SUN3: variants seen among roughly 807,000 people sequenced by gnomAD.
The protein encoded by SUN3 is SUN domain-containing protein 3.
SUN3 carries 36 observed loss-of-function variants against 48.2 expected under a neutral mutation model. The ratio of observed to expected loss-of-function variants is 0.75; its 90% confidence interval spans 0.57 to 0.99. The LOEUF (loss-of-function observed/expected upper bound fraction) is 0.99, where lower values mean the gene tolerates loss of function less well. Ranked by LOEUF, SUN3 falls within the 50% of genes least tolerant of loss-of-function variation. SUN3 has a pLI of 0.00. For missense variants in SUN3, 419 were observed against 433.1 expected, an observed-to-expected ratio of 0.97 and a Z score of 0.29; for synonymous variants, 148 against 147.9, an observed-to-expected ratio of 1.00 and a Z score of 0.00.
chr7:47,995,952 T>G, intron 7 of SUN3, 79 bp downstream of exon 7: 1 of 917,732 alleles, frequency 1.1e-6, no homozygotes, highest in Non-Finnish European at 1.6e-6. Flanking sequence ...TGCCTCCATT[T>G]TTAAAATTAA....
intron 6 of SUN3, among the ~76,000 whole-genome samples, chr7:47,996,836 T>G (rs1331090334): frequency 6.9e-6 from 1 of 145,748 alleles, no homozygotes; most frequent in Non-Finnish European, 1.5e-5. Flanking sequence ...GGTGTCTCAC[T>G]CTGTCGCCAG....
Position 47,987,362 on chromosome 7 carries a change from T to A in SUN3, c.1042A>T (p.Arg348Trp). ...TGCTTGCCTGGTGTGCCATGGACCC[T>A]GAATCGATATAAACAAGTATACTTC... Reference protein sequence around the residue: ...HPKYTCLYRFRVHGTPGKHI With the variant: ...HPKYTCLYRFWVHGTPGKHI The change falls in exon 10 of 10, where the codon AGG becomes TGG. Residue 348 changes from arginine to tryptophan, a missense_variant. Transcript: ENST00000297325. 1 of 1,612,310 alleles carries A rather than the reference T, an allele frequency of 6.2e-7. No individual in the cohort carries two copies. Among genetic ancestry groups the A allele is most frequent in the Non-Finnish European group, 8.5e-7 (1 of 1,178,932 alleles).
intron 9 of SUN3, 103 bp from the exon 10 acceptor site, chr7:47,987,552 G>A (rs546301815): frequency 1.4e-5 from 15 of 1,102,122 alleles, no homozygotes; most frequent in South Asian, 4.1e-5. Flanking sequence ...TTTTTTTTTC[G>A]AGATAGGATC....
intron 4 of SUN3, among the ~76,000 whole-genome samples, chr7:48,007,715 G>C (rs139805046): frequency 4.1e-4 from 63 of 152,328 alleles, no homozygotes; most frequent in African/African-American, 1.4e-3. Context: ...ATTGTAGCCT[G>C]AGTTCAGTGG....
chr7:48,020,049 A>G (rs1789948921), intron 2 of SUN3, among the ~76,000 whole-genome samples: 1 of 151,934 alleles, frequency 6.6e-6, no homozygotes, highest in African/African-American at 2.4e-5. Flanking sequence ...TATTGATGCA[A>G]AAGCCCTTAA....
upstream of SUN3, among the ~76,000 whole-genome samples, chr7:48,029,343 A>G (rs1790222856): frequency 6.6e-6 from 1 of 152,242 alleles, no homozygotes; most frequent in South Asian, 2.1e-4. Flanking sequence ...TCAGAAATAT[A>G]ATAGTAGACC....
rs1344018967 is a variant in SUN3, at chr7:48,005,968, C to T, written c.577+1G>A. ...CCTCTTTTCACTTTTTCTGTACTCACCGGCCGACTTCAGGGCATAATCAGC... is the reference window on the plus strand; with the variant it reads ...CCTCTTTTCACTTTTTCTGTACTCATCGGCCGACTTCAGGGCATAATCAGC... On this transcript the variant is annotated splice_donor_variant, in intron 6 of 9. Transcript: ENST00000297325. LOFTEE classifies it high-confidence loss of function. 2 of 1,605,464 alleles carry T rather than the reference C, an allele frequency of 1.2e-6. No individual in the cohort carries two copies. The highest frequency in any genetic ancestry group is 2.2e-5 in the East Asian group (1 of 44,756).
At chr7:48,008,953 T>C (rs1723964564) in intron 4 of SUN3, 82 bp downstream of exon 4, 1 of 1,365,038 alleles carries the variant, frequency 7.3e-7, no homozygotes, top group African/African-American at 1.5e-5. Flanking sequence ...GTAACTTTTC[T>C]TTCTTATACT....
chr7:48,031,832 G>GCACACACACACACACA (rs3073706), upstream of SUN3, among the ~76,000 whole-genome samples: 244 of 142,366 alleles, frequency 1.7e-3, 1 homozygote, highest in African/African-American at 5.7e-3. Context: ...TGTGATTTAT[G>GCACACACACACACACA]CACACACACA....
At chr7:48,026,581 A>AACACACACACACACACAC (rs112192395) in intron 1 of SUN3, among the ~76,000 whole-genome samples, 10 of 145,628 alleles carry the variant, frequency 6.9e-5, no homozygotes, top group African/African-American at 2.0e-4. Context: ...CCCACCCCCC[A>AACACACACACACACACAC]ACACACACAC....
At chr7:48,032,261 G>A (rs1202608812), upstream of SUN3, among the ~76,000 whole-genome samples, 1 of 152,196 alleles carries the variant, frequency 6.6e-6, no homozygotes. Flanking sequence ...TAGATCTCAA[G>A]TGTTCTTACC....
At chr7:47,994,884 T>A (rs1789162455) in intron 7 of SUN3, among the ~76,000 whole-genome samples, 1 of 151,708 alleles carries the variant, frequency 6.6e-6, no homozygotes, top group Non-Finnish European at 1.5e-5. Flanking sequence ...GTGATTGCAA[T>A]GGTGGTCATG....
intron 3 of SUN3, among the ~76,000 whole-genome samples, chr7:48,015,909 G>A (rs764614213): frequency 3.9e-5 from 6 of 152,146 alleles, no homozygotes; most frequent in Non-Finnish European, 8.8e-5. Flanking sequence ...GTCCTTTCCT[G>A]AAAAGACCCC....
At chr7:48,035,660 G>T in the SUN3 span, 2 of 647,542 alleles carry the variant, frequency 3.1e-6, no homozygotes, top group Non-Finnish European at 5.6e-6. The surrounding 1 kb of genome is among the most constrained non-coding windows in gnomAD (Gnocchi z 4.0). Flanking sequence ...AGGACAATGG[G>T]GGCGCCCACT....
chr7:48,007,024 C>G, intron 5 of SUN3, 141 bp downstream of exon 5: 1 of 776,062 alleles, frequency 1.3e-6, no homozygotes, highest in Non-Finnish European at 1.9e-6. Flanking sequence ...GTACACAAAC[C>G]AAATATCAGT....
upstream of SUN3, among the ~76,000 whole-genome samples, chr7:48,032,839 C>T (rs1250381167): frequency 6.6e-6 from 1 of 152,106 alleles, no homozygotes; most frequent in Non-Finnish European, 1.5e-5. Context: ...GATGGAAAAG[C>T]ACAAATGGAG....
intron 6 of SUN3, among the ~76,000 whole-genome samples, chr7:47,998,536 G>T (rs1054098295): frequency 6.6e-6 from 1 of 151,824 alleles, no homozygotes; most frequent in Non-Finnish European, 1.5e-5. Context: ...TGTTTTTTTG[G>T]CAGAGTAGAA....
upstream of SUN3, among the ~76,000 whole-genome samples, chr7:48,032,252 A>G (rs141786158): frequency 9.2e-5 from 14 of 152,354 alleles, no homozygotes; most frequent in East Asian, 2.7e-3. Flanking sequence ...GGGAGTAGAT[A>G]GATCTCAAGT....
intron 7 of SUN3, among the ~76,000 whole-genome samples, chr7:47,994,810 G>T (rs1255073898): frequency 2.6e-5 from 4 of 152,080 alleles, no homozygotes; most frequent in African/African-American, 9.7e-5. Context: ...TCATTGTGGT[G>T]ATGATGGTGG....
Sources: gnomAD v4.1 joint callset for allele counts (sites outside exome capture counted in the v4.1 genomes callset) on GRCh38, gnomAD v4.1.1 for gene constraint, Gnocchi (gnomAD v3.1) non-coding constraint, MANE v1.5 for transcripts, NCBI Gene and HGNC (gene_info 2026-07-23, HGNC 2026-07-21) for gene names.